Variants in GLRA3 observed in about 807,000 individuals in gnomAD.
GLRA3 encodes glycine receptor subunit alpha-3.
A neutral mutation model predicts 60.4 loss-of-function variants in GLRA3; 44 were observed. That is an observed-to-expected ratio of 0.73 (90% CI 0.57 to 0.94). The LOEUF (loss-of-function observed/expected upper bound fraction) is 0.94. Ranked by LOEUF, GLRA3 falls within the 40% of genes least tolerant of loss-of-function variation. GLRA3 has a pLI of 0.00. For missense variants in GLRA3, 508 were observed against 564.6 expected (o/e 0.90, Z 1.02); for synonymous variants, 223 against 192.9 (o/e 1.16, Z -1.29).
chr4:174,643,490 T>C lies in GLRA3; in HGVS notation c.*296A>G, dbSNP rs1352883838. On this transcript the variant is annotated 3_prime_UTR_variant, in exon 10 of 10. Transcript: ENST00000274093. Reference sequence around the variant, plus strand: ...TCATGTCTACTATTATGAGATATTATATAACATATAAACACATTGGCAGTA... The same window carrying C: ...TCATGTCTACTATTATGAGATATTACATAACATATAAACACATTGGCAGTA... 2.8e-5 allele frequency: 27 copies of C among 955,042 alleles called. No homozygotes were observed. The highest frequency in any genetic ancestry group is 2.9e-5 in the Non-Finnish European group (24 of 818,148). The allele number at this position is 955,042 out of a possible 1,614,324, so 59.2% of individuals were successfully genotyped here.
chr4:174,708,594 T>A (rs952129538), intron 5 of GLRA3, among the ~76,000 whole-genome samples: 4 of 148,152 alleles, frequency 2.7e-5, no homozygotes, highest in Non-Finnish European at 6.0e-5. Flanking sequence ...ATATTTTAAC[T>A]TTTACTCTTT....
intron 3 of GLRA3, among the ~76,000 whole-genome samples, chr4:174,751,539 T>C (rs2111196760): frequency 6.6e-6 from 1 of 152,138 alleles, no homozygotes; most frequent in East Asian, 1.9e-4. Flanking sequence ...AAAGAGAATA[T>C]AGTTTGATCT....
chr4:174,786,222 G>A (rs1239306175), intron 2 of GLRA3, among the ~76,000 whole-genome samples: 3 of 152,028 alleles, frequency 2.0e-5, no homozygotes, highest in Non-Finnish European at 2.9e-5. Context: ...CATTTGATGA[G>A]CTAACTAGAT....
At chr4:174,769,552 T>C (rs1364915184) in intron 2 of GLRA3, among the ~76,000 whole-genome samples, 1 of 152,138 alleles carries the variant, frequency 6.6e-6, no homozygotes, top group Non-Finnish European at 1.5e-5. Context: ...AGGTTCTCTA[T>C]GAACTTTACC....
intron 3 of GLRA3, among the ~76,000 whole-genome samples, chr4:174,748,510 G>A (rs1374696173): frequency 6.6e-6 from 1 of 152,118 alleles, no homozygotes; most frequent in Non-Finnish European, 1.5e-5. Flanking sequence ...ACATTAAAGG[G>A]AGAAGACACA....
At chr4:174,681,039 T>C (rs115912199) in intron 6 of GLRA3, among the ~76,000 whole-genome samples, 2,048 of 152,296 alleles carry the variant, frequency 0.013, 39 homozygotes, top group African/African-American at 0.046. Context: ...TATGAGATGC[T>C]TTTATTCTCT....
intron 6 of GLRA3, among the ~76,000 whole-genome samples, chr4:174,677,845 T>C (rs1017223059): frequency 2.0e-5 from 3 of 152,190 alleles, no homozygotes; most frequent in African/African-American, 7.2e-5. Flanking sequence ...TGCTTTACAC[T>C]TGTCAAGATA....
At chr4:174,816,557 T>C (rs537903215) in intron 1 of GLRA3, among the ~76,000 whole-genome samples, 1 of 152,286 alleles carries the variant, frequency 6.6e-6, no homozygotes, top group East Asian at 1.9e-4. Flanking sequence ...TTCTCCAAGT[T>C]ACTAAAAGAA....
Position 174,643,137 on chromosome 4 carries a change from A to AACAC in GLRA3, c.*645_*648dup, listed in dbSNP as rs1206281646. 1.1e-6 allele frequency: 1 copy of AACAC among 875,836 alleles called. No individual in the cohort carries two copies. The highest frequency in any genetic ancestry group is 1.8e-5 in the African/African-American group (1 of 54,384). 54.3% of individuals were successfully genotyped at this position (875,836 alleles called of 1,614,324 possible). A position where few individuals can be genotyped will look rare whatever the true frequency, so the allele number is the denominator to read the frequency against. On this transcript the variant is annotated 3_prime_UTR_variant, in exon 10 of 10. Coordinates refer to ENST00000274093, the MANE Select transcript of GLRA3 (RefSeq NM_006529.4). Reference sequence around the variant, plus strand: ...TTTAAGAAAAGTAGATTGTGACTGTAACACGATCTCTTGTTATTTGTTTTA... The same window carrying AACAC: ...TTTAAGAAAAGTAGATTGTGACTGTAACACACACGATCTCTTGTTATTTGTTTTA...
At chr4:174,720,333 G>A (rs868009894) in intron 4 of GLRA3, among the ~76,000 whole-genome samples, 21 of 152,098 alleles carry the variant, frequency 1.4e-4, no homozygotes, top group Non-Finnish European at 2.4e-4. Context: ...AAAACAGAAC[G>A]TATACTTTTC....
intron 4 of GLRA3, among the ~76,000 whole-genome samples, chr4:174,718,716 T>A (rs1421169457): frequency 6.6e-6 from 1 of 152,226 alleles, no homozygotes; most frequent in Non-Finnish European, 1.5e-5. Flanking sequence ...CTATATTATC[T>A]GTAATATCAT....
chr4:174,659,989 T>C (rs997453829), intron 7 of GLRA3, among the ~76,000 whole-genome samples: 2 of 132,380 alleles, frequency 1.5e-5, no homozygotes, highest in Non-Finnish European at 3.4e-5. Context: ...AAAAAAATAG[T>C]AATAAGGACT....
intron 3 of GLRA3, among the ~76,000 whole-genome samples, chr4:174,731,863 C>T (rs567479067): frequency 1.3e-5 from 2 of 152,174 alleles, no homozygotes; most frequent in East Asian, 1.9e-4. Context: ...TTTTACTAGG[C>T]AGGCATTGCA....
Position 174,721,043 on chromosome 4 carries a change from T to TG in GLRA3, c.492-5474_492-5473insC, listed in dbSNP as rs1420138706. On this transcript the variant is annotated intron_variant, in intron 4 of 9. Transcript: ENST00000274093. ...TGTGTGTGTGTGTGTGTGTGTGTGT[T>TG]TTTGAGATGGAGTCTTGCTCTGTCA... Among the ~76,000 whole-genome samples the TG allele has an allele frequency of 7.1e-5, 8 of 112,960 alleles. No homozygotes were observed. The South Asian group carries it at 9.4e-4, about 13-fold the overall frequency. The allele number at this position is 112,960 out of a possible 152,430, so 74.1% of individuals were successfully genotyped here. A position where few individuals can be genotyped will look rare whatever the true frequency, so the allele number is the denominator to read the frequency against.
In GLRA3 at chr4:174,828,958, C is replaced by A. The variant is rs191120388; in HGVS notation, c.-147G>T. 3.1e-6 allele frequency: 2 copies of A among 642,274 alleles called. No homozygotes were observed. The highest frequency in any genetic ancestry group is 1.8e-5 in the South Asian group (1 of 54,880). 39.8% of individuals were successfully genotyped at this position (642,274 alleles called of 1,614,324 possible). The stretch of plus-strand genomic sequence containing the variant: ...AGCTTCAGCACCTTAGACAGCTCCC[C>A]GCAGTATGCGGACCCCTTCTCAGCA... On this transcript the variant is annotated 5_prime_UTR_variant, in exon 1 of 10. Coordinates refer to ENST00000274093, the MANE Select transcript of GLRA3 (RefSeq NM_006529.4).
At chr4:174,687,263 A>G (rs976278052) in intron 5 of GLRA3, among the ~76,000 whole-genome samples, 1 of 152,246 alleles carries the variant, frequency 6.6e-6, no homozygotes, top group Non-Finnish European at 1.5e-5. Flanking sequence ...AGTAAAAACA[A>G]TGCCACTTTT....
intron 4 of GLRA3, among the ~76,000 whole-genome samples, chr4:174,719,763 G>C (rs1736066994): frequency 6.6e-6 from 1 of 152,122 alleles, no homozygotes; most frequent in Admixed American, 6.5e-5. Context: ...TATTGTTGAT[G>C]GTTTCTTTAT....
intron 2 of GLRA3, among the ~76,000 whole-genome samples, chr4:174,777,165 A>C (rs116711025): frequency 0.01 from 1,592 of 152,296 alleles, 17 homozygotes; most frequent in African/African-American, 0.035. Flanking sequence ...AGATAGGCAG[A>C]AAAAAATAGC....
At chr4:174,747,933 CTA>C (rs1385671312) in intron 3 of GLRA3, among the ~76,000 whole-genome samples, 1 of 152,082 alleles carries the variant, frequency 6.6e-6, no homozygotes, top group African/African-American at 2.4e-5. Context: ...GTTCCAAATA[CTA>C]TGTTTTAATG....
Sources: allele counts gnomAD v4.1 joint callset (sites outside exome capture counted in the v4.1 genomes callset), GRCh38; gene constraint gnomAD v4.1.1; transcripts MANE v1.5; gene names NCBI Gene and HGNC (gene_info 2026-07-23, HGNC 2026-07-21).